Variants in CPED1 observed in about 807,000 individuals in gnomAD.
The protein encoded by CPED1 is cadherin-like and PC-esterase domain-containing protein 1.
CPED1 carries 114 observed loss-of-function variants against 128.2 expected under a neutral mutation model. The ratio of observed to expected loss-of-function variants is 0.89; its 90% CI spans 0.76 to 1.04. The LOEUF (loss-of-function observed/expected upper bound fraction) is 1.04, where lower values mean the gene tolerates loss of function less well. Among genes scored for constraint, CPED1 ranks in the 50% least tolerant of loss-of-function variants. The pLI is 0.00. For missense variants in CPED1, 1,211 were observed against 1,207.1 expected (o/e 1.00, Z -0.05); for synonymous variants, 462 against 426.7 (o/e 1.08, Z -1.02).
At position 121,011,893 on chromosome 7, in the gene CPED1, A is replaced by C. The variant is rs188020555; in HGVS notation, c.250-3772A>C. On this transcript the variant is annotated intron_variant, in intron 2 of 22. Coordinates refer to ENST00000310396, the MANE Select transcript of CPED1 (RefSeq NM_024913.5). ...TATGGAATTTCGAATATAAAGTTAC[A>C]ATATAATATTATTACTCAGTTTTAT... is the stretch of plus-strand genomic sequence containing the variant. Among the ~76,000 whole-genome samples, 93 of 152,286 alleles carry C rather than the reference A, an allele frequency of 6.1e-4. 2 individuals carry two copies. In the East Asian group the frequency reaches 0.017, roughly 28 times the overall value.
intron 18 of CPED1, among the ~76,000 whole-genome samples, chr7:121,264,899 C>G (rs1159237770): frequency 6.6e-6 from 1 of 152,000 alleles, no homozygotes; most frequent in Non-Finnish European, 1.5e-5. Context: ...TAGAAATTGA[C>G]CCTGACCTCA....
intron 8 of CPED1, 76 bp from the exon 9 acceptor site, chr7:121,125,744 T>C (rs1049276245): frequency 1.8e-6 from 2 of 1,082,062 alleles, no homozygotes; most frequent in African/African-American, 3.1e-5. Context: ...CAAGTTTTGC[T>C]GTTATAAATA....
intron 3 of CPED1, among the ~76,000 whole-genome samples, chr7:121,024,012 G>A (rs1585023944): frequency 6.6e-6 from 1 of 151,982 alleles, no homozygotes; most frequent in African/African-American, 2.4e-5. Context: ...ATCAAACTGG[G>A]GGGAAAAAAG....
At chr7:121,058,450 G>A (rs1241008659) in intron 4 of CPED1, among the ~76,000 whole-genome samples, 1 of 152,136 alleles carries the variant, frequency 6.6e-6, no homozygotes, top group African/African-American at 2.4e-5. Flanking sequence ...AGGTATAAAT[G>A]ACAAATAATA....
chr7:121,066,280 C>T (rs1001587753), intron 5 of CPED1, among the ~76,000 whole-genome samples: 1 of 152,008 alleles, frequency 6.6e-6, no homozygotes, highest in Non-Finnish European at 1.5e-5. Flanking sequence ...GATTTTAGCT[C>T]TGCCACTTAT....
intron 3 of CPED1, among the ~76,000 whole-genome samples, chr7:121,036,931 A>G (rs1792910789): frequency 1.3e-5 from 2 of 152,074 alleles, no homozygotes; most frequent in Non-Finnish European, 2.9e-5. Context: ...GGAAATTTAT[A>G]TACCTTCTTT....
chr7:120,991,767 C>G (rs1796312931), intron 2 of CPED1, among the ~76,000 whole-genome samples: 1 of 152,102 alleles, frequency 6.6e-6, no homozygotes, highest in African/African-American at 2.4e-5. Flanking sequence ...ACCAAAAATG[C>G]CAAACACATG....
Position 121,145,051 on chromosome 7 carries a change from T to C in CPED1, c.2055+2910T>C, listed in dbSNP as rs1044436512. Among the ~76,000 whole-genome samples, 8 of 121,160 alleles carry C rather than the reference T, an allele frequency of 6.6e-5. No homozygotes were observed. The East Asian group carries it at 2.4e-3, about 37-fold the overall frequency. 79.5% of individuals were successfully genotyped at this position (121,160 alleles called of 152,430 possible). A position where few individuals can be genotyped will look rare whatever the true frequency, so the allele number is the denominator to read the frequency against. On this transcript the variant is annotated intron_variant, in intron 16 of 22. Coordinates refer to ENST00000310396, the MANE Select transcript of CPED1 (RefSeq NM_024913.5). ...CATATATAACTAGGTGCTATATAGA[T>C]AGATACAAATTTAATTAACTGCATT...
At chr7:121,145,067 TAA>T (rs1218115504) in intron 16 of CPED1, among the ~76,000 whole-genome samples, 1 of 85,148 alleles carries the variant, frequency 1.2e-5, no homozygotes, top group East Asian at 9.5e-4. Context: ...CAAATTTAAT[TAA>T]CTGCATTTAA....
At chr7:121,194,044 A>ATTTTTTT (rs1198290127) in intron 16 of CPED1, among the ~76,000 whole-genome samples, 2 of 66,428 alleles carry the variant, frequency 3.0e-5, no homozygotes, top group African/African-American at 5.7e-5. Flanking sequence ...ATATATATAT[A>ATTTTTTT]TATATTTTTT....
intron 3 of CPED1, among the ~76,000 whole-genome samples, chr7:121,023,454 G>A (rs367892843): frequency 8.5e-5 from 13 of 152,278 alleles, no homozygotes; most frequent in African/African-American, 2.4e-4. Context: ...GCTGTATTAT[G>A]TAGCAGAATG....
intron 5 of CPED1, among the ~76,000 whole-genome samples, chr7:121,068,007 G>C (rs1188862666): frequency 6.6e-6 from 1 of 152,136 alleles, no homozygotes; most frequent in African/African-American, 2.4e-5. Context: ...GTAGATTCTG[G>C]ATGTTAGCCT....
intron 11 of CPED1, among the ~76,000 whole-genome samples, chr7:121,129,337 GTATATATA>G (rs756336162): frequency 2.2e-4 from 13 of 57,864 alleles, no homozygotes; most frequent in African/African-American, 7.2e-4. Flanking sequence ...ATATATATAC[GTATATATA>G]TATATACATA....
At position 120,989,496 on chromosome 7, in the gene CPED1, G is replaced by A. The variant is rs1487274519; in HGVS notation, c.-126G>A. ...AACCTTTTGGAAAATTCTTAAGCAG[G>A]GATGAAGCAAACTTGATTGGAGTTG... On this transcript the variant is annotated 5_prime_UTR_variant, in exon 2 of 23. Coordinates refer to ENST00000310396, the MANE Select transcript of CPED1 (RefSeq NM_024913.5). 2 of 1,278,198 alleles carry A rather than the reference G, an allele frequency of 1.6e-6. No individual in the cohort carries two copies. Among genetic ancestry groups the A allele is most frequent in the African/African-American group, 3.0e-5 (2 of 66,948 alleles). The allele number at this position is 1,278,198 out of a possible 1,614,324, so 79.2% of individuals were successfully genotyped here. A position where few individuals can be genotyped will look rare whatever the true frequency, so the allele number is the denominator to read the frequency against.
At chr7:121,292,877 C>T (rs914122806) in intron 22 of CPED1, among the ~76,000 whole-genome samples, 3 of 152,170 alleles carry the variant, frequency 2.0e-5, no homozygotes, top group African/African-American at 7.2e-5. Context: ...TTGCTGCCTG[C>T]TCATTCCTCT....
intron 2 of CPED1, among the ~76,000 whole-genome samples, chr7:120,997,585 A>T (rs1796428368): frequency 6.6e-6 from 1 of 152,244 alleles, no homozygotes. Context: ...ATGAGGTCAC[A>T]CTGGAGTAAG....
intron 16 of CPED1, among the ~76,000 whole-genome samples, chr7:121,229,055 A>C (rs556715447): frequency 6.6e-6 from 1 of 152,072 alleles, no homozygotes; most frequent in South Asian, 2.1e-4. Flanking sequence ...AGAAGGAATA[A>C]ATTCAATGTT....
Position 121,267,537 on chromosome 7 carries a change from C to T in CPED1, c.2721+235C>T, listed in dbSNP as rs146171620. On this transcript the variant is annotated intron_variant, in intron 21 of 22. Transcript: ENST00000310396. ...ATCCACACAAAAAAATTATCACTATCATGAGTCCTTTGGGAAAGAGTGGTC... is the reference window on the plus strand; with the variant it reads ...ATCCACACAAAAAAATTATCACTATTATGAGTCCTTTGGGAAAGAGTGGTC... 3.3e-5 allele frequency among the ~76,000 whole-genome samples: 5 copies of T among 152,152 alleles called. No individual in the cohort carries two copies. In the East Asian group the frequency reaches 9.7e-4, roughly 29 times the overall value.
chr7:121,087,325 C>G (rs1794449300), intron 5 of CPED1, among the ~76,000 whole-genome samples: 1 of 152,152 alleles, frequency 6.6e-6, no homozygotes. Flanking sequence ...CCCAACATCT[C>G]TCTTCATTGG....
Sources: gnomAD v4.1 joint callset for allele counts (sites outside exome capture counted in the v4.1 genomes callset) on GRCh38, gnomAD v4.1.1 for gene constraint, MANE v1.5 for transcripts, NCBI Gene and HGNC (gene_info 2026-07-23, HGNC 2026-07-21) for gene names.